The following RANBP2 variants were observed in gnomAD, a reference collection of about 807,000 sequenced individuals.
The protein encoded by RANBP2 is E3 SUMO-protein ligase RanBP2.
RANBP2 carries 57 observed loss-of-function variants against 303.6 expected under a neutral mutation model. That is an observed-to-expected ratio of 0.19 (90% CI 0.15 to 0.23). The LOEUF (loss-of-function observed/expected upper bound fraction) is 0.23. RANBP2 is among the 10% of genes least tolerant of loss of function. The probability of loss-of-function intolerance (pLI) is 1.00; values close to 1 mark genes in which losing one functional copy is unlikely to be tolerated. For missense variants in RANBP2, 3,138 were observed against 3,780.8 expected, an observed-to-expected ratio of 0.83 and a Z score of 4.46; for synonymous variants, 1,167 against 1,301.5, an observed-to-expected ratio of 0.90 and a Z score of 2.23.
chr2:109,616,279 C>A, the RANBP2 span: 193 of 598,788 alleles, frequency 3.2e-4, no homozygotes, highest in African/African-American at 3.4e-3. Context: ...TGTACCTCTT[C>A]TCTGCCCTCC....
chr2:109,470,443 G>A, the RANBP2 span, among the ~76,000 whole-genome samples: 7 of 152,286 alleles, frequency 4.6e-5, no homozygotes, highest in South Asian at 1.0e-3. Context: ...CTTATTGCAC[G>A]TCTGGGGAGA....
the RANBP2 span, among the ~76,000 whole-genome samples, chr2:108,971,040 T>C: frequency 1.3e-5 from 2 of 152,128 alleles, no homozygotes; most frequent in South Asian, 4.1e-4. Flanking sequence ...GGGATGATGC[T>C]GGTGGTGGGG....
the RANBP2 span, among the ~76,000 whole-genome samples, chr2:108,851,927 A>G: frequency 6.6e-6 from 1 of 152,206 alleles, no homozygotes; most frequent in Non-Finnish European, 1.5e-5. Flanking sequence ...AAAGGTAGAT[A>G]ATTGTGCCAA....
chr2:108,782,435 T>G (rs1304371927), intron 27 of RANBP2, 34 bp downstream of exon 27: 2 of 1,613,922 alleles, frequency 1.2e-6, no homozygotes, highest in Non-Finnish European at 1.7e-6. Context: ...ACTTTTCATT[T>G]TTTGGACTTT....
chr2:109,459,492 C>T, the RANBP2 span, among the ~76,000 whole-genome samples: 2 of 152,208 alleles, frequency 1.3e-5, no homozygotes, highest in Admixed American at 1.3e-4. Context: ...TATAGTTTTC[C>T]ATTGACCTCA....
chr2:108,775,970 TA>T, intron 24 of RANBP2, 34 bp downstream of exon 24: 1 of 1,552,524 alleles, frequency 6.4e-7, no homozygotes. Context: ...ATGTGTTACA[TA>T]AGGGACACCT....
At chr2:108,923,500 C>A in the RANBP2 span, 1 of 1,579,726 alleles carries the variant, frequency 6.3e-7, no homozygotes, top group Non-Finnish European at 8.7e-7. Context: ...AGCTGGACAG[C>A]ACACAGGCAG....
the RANBP2 span, among the ~76,000 whole-genome samples, chr2:109,466,072 C>CTTTTTTTTTT: frequency 9.7e-5 from 8 of 82,386 alleles, no homozygotes; most frequent in East Asian, 4.5e-4. Context: ...ACCTGTACAT[C>CTTTTTTTTTT]TTTTTTTTTT....
chr2:109,502,018 T>A, the RANBP2 span: 3 of 240,846 alleles, frequency 1.2e-5, no homozygotes, highest in Non-Finnish European at 2.5e-5. Flanking sequence ...CTAAGCAGGG[T>A]TGGAGGTTGC....
At chr2:109,524,934 G>A in the RANBP2 span, among the ~76,000 whole-genome samples, 1 of 152,078 alleles carries the variant, frequency 6.6e-6, no homozygotes, top group East Asian at 1.9e-4. Context: ...CCTCGGCGCA[G>A]ATCTTCAGTT....
chr2:109,269,400 T>C, the RANBP2 span, among the ~76,000 whole-genome samples: 15 of 152,222 alleles, frequency 9.9e-5, no homozygotes, highest in African/African-American at 3.6e-4. Flanking sequence ...TGCTTCTCCA[T>C]GGCTCTGCTG....
At chr2:109,056,833 A>G in the RANBP2 span, among the ~76,000 whole-genome samples, 1 of 152,228 alleles carries the variant, frequency 6.6e-6, no homozygotes, top group Non-Finnish European at 1.5e-5. Flanking sequence ...CTGAGTGAAT[A>G]TGCTGTAGGA....
At chr2:109,294,652 G>T in the RANBP2 span, among the ~76,000 whole-genome samples, 2 of 152,078 alleles carry the variant, frequency 1.3e-5, no homozygotes, top group African/African-American at 2.4e-5. Context: ...ATCATCATAG[G>T]CTTGAGCACC....
chr2:109,339,107 G>A, the RANBP2 span, among the ~76,000 whole-genome samples: 1 of 152,170 alleles, frequency 6.6e-6, no homozygotes, highest in Non-Finnish European at 1.5e-5. Flanking sequence ...CGTTGTGTGG[G>A]CTGAACAGGA....
Position 108,766,482 on chromosome 2 carries a change from A to C in RANBP2, c.5943A>C (p.Ser1981=), listed in dbSNP as rs1421060713. 2 of 1,611,994 alleles carry C rather than the reference A, an allele frequency of 1.2e-6. No homozygotes were observed. Residue 1981 remains serine (S), a synonymous_variant, in exon 20 of 29, where the codon TCA becomes TCC. Transcript: ENST00000283195. ...FSGAGEKLFS[S]QYGKMANKAN... ...GTGCTGGAGAAAAATTATTCTCATC[A>C]CAATACGGTAAAATGGCCAATAAAG...
At chr2:109,419,474 C>A in the RANBP2 span, 1 of 1,503,600 alleles carries the variant, frequency 6.7e-7, no homozygotes, top group Non-Finnish European at 9.0e-7. Context: ...CCTCATTTTG[C>A]TTTTCTCTTT....
the RANBP2 span, among the ~76,000 whole-genome samples, chr2:109,080,866 A>T: frequency 6.6e-6 from 1 of 152,224 alleles, no homozygotes; most frequent in African/African-American, 2.4e-5. Context: ...GACAGTCTGG[A>T]TGATTTAAAA....
the RANBP2 span, among the ~76,000 whole-genome samples, chr2:108,907,037 C>T: frequency 6.6e-6 from 1 of 152,230 alleles, no homozygotes; most frequent in Non-Finnish European, 1.5e-5. Flanking sequence ...GGGACGACCA[C>T]AGGCCAGGTC....
the RANBP2 span, among the ~76,000 whole-genome samples, chr2:109,673,844 G>C: frequency 6.6e-6 from 1 of 152,078 alleles, no homozygotes; most frequent in Admixed American, 6.5e-5. Context: ...AGAGCTCCAG[G>C]GATCTCCATT....
Sources: gnomAD v4.1 joint callset for allele counts (sites outside exome capture counted in the v4.1 genomes callset) on GRCh38, gnomAD v4.1.1 for gene constraint, MANE v1.5 for transcripts, NCBI Gene and HGNC (gene_info 2026-07-23, HGNC 2026-07-21) for gene names.